Variants in TENM3 observed in about 807,000 individuals in gnomAD.
The protein encoded by TENM3 is teneurin-3.
Under a neutral mutation model 255.1 loss-of-function variants are expected in TENM3, and 63 were observed. That is an observed-to-expected ratio of 0.25 (90% CI 0.20 to 0.30). The LOEUF (loss-of-function observed/expected upper bound fraction) is 0.30, where lower values mean the gene tolerates loss of function less well. Ranked by LOEUF, TENM3 falls within the 10% of genes least tolerant of loss-of-function variation. The pLI, the probability that TENM3 is intolerant of heterozygous loss-of-function variation, is 1.00. For missense variants in TENM3, 2,929 were observed against 3,461.1 expected, an observed-to-expected ratio of 0.85 and a Z score of 3.86; for synonymous variants, 1,306 against 1,322.3, an observed-to-expected ratio of 0.99 and a Z score of 0.27.
the TENM3 span, among the ~76,000 whole-genome samples, chr4:182,078,726 C>T: frequency 6.6e-6 from 1 of 151,954 alleles, no homozygotes; most frequent in Non-Finnish European, 1.5e-5. Flanking sequence ...AGCAGTGTGG[C>T]CTGAGCTGGG....
At chr4:182,623,626 G>A (rs992438925) in intron 4 of TENM3, among the ~76,000 whole-genome samples, 6 of 151,986 alleles carry the variant, frequency 3.9e-5, no homozygotes, top group Admixed American at 1.3e-4. Flanking sequence ...CACCGCACCC[G>A]GCCTGTTTTA....
the TENM3 span, among the ~76,000 whole-genome samples, chr4:181,907,318 C>T: frequency 6.6e-6 from 1 of 152,248 alleles, no homozygotes; most frequent in South Asian, 2.1e-4. Context: ...GGGGAAGATC[C>T]CATGTGTCCC....
chr4:182,184,949 G>T (rs1200745220), intron 1 of TENM3, among the ~76,000 whole-genome samples: 1 of 152,098 alleles, frequency 6.6e-6, no homozygotes, highest in Non-Finnish European at 1.5e-5. Context: ...TGGGCATGGT[G>T]GTGGGCGCCT....
chr4:182,680,234 T>C lies in TENM3; in HGVS notation c.1538-14T>C. 1 of 1,588,914 alleles carries C rather than the reference T, an allele frequency of 6.3e-7. No individual in the cohort carries two copies. The highest frequency in any genetic ancestry group is 8.6e-7 in the Non-Finnish European group (1 of 1,157,416). On this transcript the variant is annotated splice_polypyrimidine_tract_variant and intron_variant, in intron 8 of 27. Coordinates refer to ENST00000511685, the MANE Select transcript of TENM3 (RefSeq NM_001080477.4). ...GGCTATACAACAAGTGTTCCTTCTT[T>C]CCTTTTTCTTCAGAGTCTGTGGTGG...
At chr4:181,616,380 A>G in the TENM3 span, among the ~76,000 whole-genome samples, 1 of 147,920 alleles carries the variant, frequency 6.8e-6, no homozygotes. Context: ...ATATATATAT[A>G]TATCAATAGG....
chr4:181,952,823 G>T, the TENM3 span, among the ~76,000 whole-genome samples: 1 of 152,224 alleles, frequency 6.6e-6, no homozygotes, highest in Non-Finnish European at 1.5e-5. Flanking sequence ...GGGGGCCAAG[G>T]GGCGTCCAGA....
chr4:182,693,927 A>G (rs149066007), intron 12 of TENM3, among the ~76,000 whole-genome samples: 2,084 of 152,284 alleles, frequency 0.014, 49 homozygotes, highest in South Asian at 0.11. Context: ...TTGGGTGCCA[A>G]CATTCAAAAA....
chr4:182,289,852 T>C (rs1301936515), intron 1 of TENM3, among the ~76,000 whole-genome samples: 1 of 152,098 alleles, frequency 6.6e-6, no homozygotes, highest in Non-Finnish European at 1.5e-5. Context: ...GTTGACCAAG[T>C]TGCTTCAGTG....
At chr4:182,669,841 C>T (rs1561082324) in intron 6 of TENM3, among the ~76,000 whole-genome samples, 1 of 152,116 alleles carries the variant, frequency 6.6e-6, no homozygotes, top group Non-Finnish European at 1.5e-5. Flanking sequence ...CTGACTTTGG[C>T]CACATCATTT....
chr4:182,449,237 C>CCGCTGCGGAGCCGGTGGCTCCGCTT (rs758941265), intron 3 of TENM3, among the ~76,000 whole-genome samples: 2 of 149,490 alleles, frequency 1.3e-5, no homozygotes, highest in African/African-American at 4.9e-5. Context: ...CGGCTCCGCT[C>CCGCTGCGGAGCCGGTGGCTCCGCTT]TTCTCCCTTG....
At chr4:182,334,354 C>A (rs1309443867) in intron 2 of TENM3, among the ~76,000 whole-genome samples, 2 of 152,052 alleles carry the variant, frequency 1.3e-5, no homozygotes, top group Non-Finnish European at 2.9e-5. Context: ...TAATTCTCCC[C>A]AAATTAATGC....
At chr4:182,637,663 C>CT (rs1300172375) in intron 5 of TENM3, among the ~76,000 whole-genome samples, 2 of 152,336 alleles carry the variant, frequency 1.3e-5, no homozygotes, top group East Asian at 3.8e-4. Context: ...TATCAGGTGA[C>CT]TACCATGGGT....
rs35316767 is a variant in TENM3 at position 182,471,627 on chromosome 4, C to CTGTGTG, written c.511+124718_511+124723dup. 3.3e-3 allele frequency among the ~76,000 whole-genome samples: 498 copies of CTGTGTG among 149,818 alleles called. 3 individuals are homozygous for CTGTGTG. Among genetic ancestry groups the CTGTGTG allele is most frequent in the African/African-American group, 9.8e-3 (399 of 40,710 alleles). On this transcript the variant is annotated intron_variant, in intron 3 of 27. Coordinates refer to ENST00000511685, the MANE Select transcript of TENM3 (RefSeq NM_001080477.4). ...TTGAAATGTTATGTGGCACATGCCT[C>CTGTGTG]TGTGTGTGTGTGTGTGTGTGTGTGT...
At chr4:181,649,141 G>A in the TENM3 span, among the ~76,000 whole-genome samples, 1 of 152,182 alleles carries the variant, frequency 6.6e-6, no homozygotes, top group African/African-American at 2.4e-5. Context: ...TTCTAGCAGA[G>A]AAGGAATTTT....
the TENM3 span, among the ~76,000 whole-genome samples, chr4:181,564,093 T>G: frequency 7.0e-6 from 1 of 142,838 alleles, no homozygotes; most frequent in Non-Finnish European, 1.5e-5. Flanking sequence ...CAGGCTGGAG[T>G]GCACTGGCAG....
chr4:181,673,534 A>ACC, the TENM3 span, among the ~76,000 whole-genome samples: 1 of 152,130 alleles, frequency 6.6e-6, no homozygotes, highest in African/African-American at 2.4e-5. Context: ...ATAACATGAT[A>ACC]TCCAGAGCTC....
At chr4:181,994,129 G>A in the TENM3 span, among the ~76,000 whole-genome samples, 4 of 152,124 alleles carry the variant, frequency 2.6e-5, no homozygotes, top group Non-Finnish European at 4.4e-5. Context: ...TTGTAAAGTT[G>A]TAATGAAATC....
At chr4:182,678,046 TTATA>T (rs1349821921) in intron 7 of TENM3, among the ~76,000 whole-genome samples, 1 of 152,030 alleles carries the variant, frequency 6.6e-6, no homozygotes, top group Non-Finnish European at 1.5e-5. Context: ...TAATAATTAT[TTATA>T]TATAGTACTA....
the TENM3 span, among the ~76,000 whole-genome samples, chr4:181,550,248 A>T: frequency 0.65 from 98,197 of 152,030 alleles, 32,566 homozygotes; most frequent in African/African-American, 0.8. Flanking sequence ...ATTCCCTGGA[A>T]TCAAATTATT....
Sources: allele counts gnomAD v4.1 joint callset (sites outside exome capture counted in the v4.1 genomes callset), GRCh38; gene constraint gnomAD v4.1.1; transcripts MANE v1.5; gene names NCBI Gene and HGNC (gene_info 2026-07-23, HGNC 2026-07-21).